FAM222A: variants seen among roughly 807,000 people sequenced by gnomAD.
The protein encoded by FAM222A is family with sequence similarity 222 member A.
In FAM222A, 7 loss-of-function variants were observed where a neutral mutation model predicts 25.8. The observed-to-expected ratio is 0.27, with a 90% CI of 0.15 to 0.51. The LOEUF (loss-of-function observed/expected upper bound fraction) is 0.51. Among genes scored for constraint, FAM222A ranks in the 20% least tolerant of loss-of-function variants. The pLI is 0.97. For missense variants in FAM222A, 573 were observed against 640.5 expected, an observed-to-expected ratio of 0.89 and a Z score of 1.14; for synonymous variants, 294 against 298.8, an observed-to-expected ratio of 0.98 and a Z score of 0.17.
chr12:109,747,167 C>A (rs1485853853), intron 2 of FAM222A, among the ~76,000 whole-genome samples: 1 of 152,202 alleles, frequency 6.6e-6, no homozygotes, highest in Non-Finnish European at 1.5e-5. Context: ...GATCTTGGCT[C>A]ACTGAAGCCT....
At chr12:109,731,526 C>T (rs528934167) in intron 1 of FAM222A, among the ~76,000 whole-genome samples, 1 of 152,330 alleles carries the variant, frequency 6.6e-6, no homozygotes, top group Non-Finnish European at 1.5e-5. Context: ...TCCAGCTCCA[C>T]GTGAGCTGAG....
intron 2 of FAM222A, among the ~76,000 whole-genome samples, chr12:109,765,369 A>C (rs1406403039): frequency 6.6e-6 from 1 of 152,122 alleles, no homozygotes; most frequent in Non-Finnish European, 1.5e-5. Context: ...CCGTGCAGTG[A>C]GAGCCGCTTT....
At chr12:109,748,330 C>CTTT (rs1410740242) in intron 2 of FAM222A, among the ~76,000 whole-genome samples, 2 of 40,444 alleles carry the variant, frequency 4.9e-5, no homozygotes, top group South Asian at 1.3e-3. Context: ...CTTTGGTTTT[C>CTTT]TTTCTTTTTT....
chr12:109,722,818 C>T (rs753722401), intron 1 of FAM222A: 4 of 152,240 alleles, frequency 2.6e-5, no homozygotes, highest in Non-Finnish European at 4.4e-5. Context: ...AAGGGAGAGA[C>T]AAGCTGCAGG....
chr12:109,736,678 ATAGT>A (rs1367155755), intron 1 of FAM222A, among the ~76,000 whole-genome samples: 2 of 152,172 alleles, frequency 1.3e-5, no homozygotes, highest in African/African-American at 4.8e-5. Context: ...GGCCTGGCAC[ATAGT>A]TGGTGTTTAA....
intron 1 of FAM222A, among the ~76,000 whole-genome samples, chr12:109,718,505 G>A (rs530681833): frequency 8.5e-5 from 13 of 152,320 alleles, no homozygotes; most frequent in African/African-American, 2.9e-4. Context: ...TCGGGGCGGG[G>A]GTGAGAACGA....
At chr12:109,719,905 G>A (rs1201081066) in intron 1 of FAM222A, among the ~76,000 whole-genome samples, 1 of 152,214 alleles carries the variant, frequency 6.6e-6, no homozygotes, top group African/African-American at 2.4e-5. Context: ...GAGCTTGGGA[G>A]TCGCAGACCT....
chr12:109,753,070 A>G (rs574013286), intron 2 of FAM222A, among the ~76,000 whole-genome samples: 2 of 152,264 alleles, frequency 1.3e-5, no homozygotes, highest in Non-Finnish European at 2.9e-5. Flanking sequence ...TGACTTTCCC[A>G]TTATGGAGTT....
intron 1 of FAM222A, among the ~76,000 whole-genome samples, chr12:109,721,633 C>T (rs536389442): frequency 6.6e-6 from 1 of 152,220 alleles, no homozygotes; most frequent in East Asian, 1.9e-4. Flanking sequence ...CCATGTGGCT[C>T]AGAGGACCAG....
chr12:109,732,492 G>A (rs1806724098), intron 1 of FAM222A, among the ~76,000 whole-genome samples: 1 of 152,246 alleles, frequency 6.6e-6, no homozygotes, highest in Admixed American at 6.5e-5. Flanking sequence ...GCATGTGGGG[G>A]CGCGGAGCAG....
At chr12:109,741,240 T>G (rs1285012755) in intron 1 of FAM222A, among the ~76,000 whole-genome samples, 2 of 152,142 alleles carry the variant, frequency 1.3e-5, no homozygotes, top group Non-Finnish European at 2.9e-5. Flanking sequence ...GAATGGGCAG[T>G]GAGTTGGGAG....
chr12:109,768,877 CG>C lies in FAM222A; in HGVS notation c.953del (p.Gly318AlafsTer24). The C allele has an allele frequency of 6.3e-7, 1 of 1,581,286 alleles. No homozygotes were observed. Among genetic ancestry groups the C allele is most frequent in the Admixed American group, 1.7e-5 (1 of 57,650 alleles). ...TGGCCAGCAAGTCCCCTGAGGCTTG[CG>C]GGGGCCGGGCATACGAGCGGGCCAG... ...TVASKSPEAC[G>X]GRAYERASGS... On this transcript the variant is annotated frameshift_variant, in exon 3 of 3. Transcript: ENST00000538780. LOFTEE classifies it high-confidence loss of function.
Position 109,714,541 on chromosome 12 carries a change from G to T in FAM222A, c.-403G>T, listed in dbSNP as rs1423023264. 6.6e-6 allele frequency: 1 copy of T among 151,726 alleles called. No individual in the cohort carries two copies. The highest frequency in any genetic ancestry group is 2.4e-5 in the African/African-American group (1 of 41,386). The allele number at this position is 151,726 out of a possible 1,614,324, so 9.4% of individuals were successfully genotyped here. A position where few individuals can be genotyped will look rare whatever the true frequency, so the allele number is the denominator to read the frequency against. ...GGGCGGAGAGGGCGCCCTGGGAGCG[G>T]CGCGGGCCGAGCTGCAGCCTTGAGC... On this transcript the variant is annotated 5_prime_UTR_variant, in exon 1 of 3. Coordinates refer to ENST00000538780, the MANE Select transcript of FAM222A (RefSeq NM_032829.3). This position sits in a 1 kb window ranked among gnomAD's most constrained non-coding sequence, Gnocchi z 4.2.
At chr12:109,740,401 A>G (rs1888207498) in intron 1 of FAM222A, among the ~76,000 whole-genome samples, 1 of 152,142 alleles carries the variant, frequency 6.6e-6, no homozygotes, top group African/African-American at 2.4e-5. Flanking sequence ...TAAAGTCACA[A>G]AAGACCTTGA....
intron 2 of FAM222A, among the ~76,000 whole-genome samples, chr12:109,749,744 G>C (rs1022650067): frequency 6.6e-6 from 1 of 152,136 alleles, no homozygotes; most frequent in Non-Finnish European, 1.5e-5. Context: ...CTTTTGAATG[G>C]TGATGCAATG....
At position 109,768,551 on chromosome 12, in the gene FAM222A, C is replaced by G. The variant is rs775233169; in HGVS notation, c.622C>G (p.Gln208Glu). The change falls in exon 3 of 3, where the codon CAG becomes GAG. Residue 208 changes from glutamine (Q) to glutamate (E), a missense_variant. Around this residue, in one of 3 missense-constraint regions of FAM222A, gnomAD observed 412 missense variants for 407.0 expected, o/e 1.01. Transcript: ENST00000538780. ...CCACAGCCTCCTGTACCAGCTCAAC[C>G]AGCAGTGCCAGGCCCCGGGCGCCGC... ...SIHSLLYQLN[Q>E]QCQAPGAAPP... is the part of the protein sequence containing the mutation. 3.6e-5 allele frequency: 57 copies of G among 1,603,020 alleles called. No individual in the cohort carries two copies. The East Asian group carries it at 1.2e-3, about 35-fold the overall frequency.
intron 1 of FAM222A, among the ~76,000 whole-genome samples, chr12:109,723,011 G>T (rs1321876998): frequency 1.4e-5 from 2 of 141,802 alleles, no homozygotes; most frequent in Admixed American, 1.4e-4. Context: ...GTGGGGGGGG[G>T]AGGGGGTATC....
chr12:109,729,156 C>T (rs1410480038), intron 1 of FAM222A, among the ~76,000 whole-genome samples: 13 of 152,140 alleles, frequency 8.5e-5, no homozygotes. Context: ...CACATCAGCC[C>T]AGGGGTTCCA....
At chr12:109,743,194 G>A (rs1048268436) in intron 1 of FAM222A, among the ~76,000 whole-genome samples, 4 of 152,118 alleles carry the variant, frequency 2.6e-5, no homozygotes, top group African/African-American at 7.2e-5. Flanking sequence ...AGCTCCCACC[G>A]CCACCCTCCC....
Sources: gnomAD v4.1 joint callset for allele counts (sites outside exome capture counted in the v4.1 genomes callset) on GRCh38, gnomAD v4.1.1 for gene constraint, gnomAD v4.1.1 regional missense constraint, Gnocchi (gnomAD v3.1) non-coding constraint, MANE v1.5 for transcripts, NCBI Gene and HGNC (gene_info 2026-07-23, HGNC 2026-07-21) for gene names.